Variants in MTOR observed in about 807,000 individuals in gnomAD.
MTOR encodes the protein serine/threonine-protein kinase mTOR.
A neutral mutation model predicts 319.8 loss-of-function variants in MTOR; 70 were observed. The observed-to-expected ratio is 0.22, with a 90% CI of 0.18 to 0.27. MTOR has a LOEUF of 0.27. Ranked by LOEUF, MTOR falls within the 10% of genes least tolerant of loss-of-function variation. The probability of loss-of-function intolerance (pLI) is 1.00; values close to 1 mark genes in which losing one functional copy is unlikely to be tolerated. For missense variants in MTOR, 1,890 were observed against 3,274.4 expected (o/e 0.58, Z 10.32); for synonymous variants, 1,183 against 1,211.4 (o/e 0.98, Z 0.49).
At chr1:11,132,708 GA>G in intron 38 of MTOR, 1 of 171,692 alleles carries the variant, frequency 5.8e-6, no homozygotes, top group South Asian at 1.8e-4. Flanking sequence ...AGCAGGCAAG[GA>G]TGCAAATCAG....
intron 30 of MTOR, among the ~76,000 whole-genome samples, chr1:11,153,966 G>A (rs1040561513): frequency 6.7e-6 from 1 of 149,370 alleles, no homozygotes; most frequent in African/African-American, 2.5e-5. Context: ...CTACTCAGGA[G>A]GCTGGGGCAG....
In MTOR at chr1:11,139,471, TGGACAGCCCAG is replaced by T. The variant is rs753893713; in HGVS notation, c.4999-47_4999-37del. On this transcript the variant is annotated intron_variant, in intron 35 of 57. Coordinates refer to ENST00000361445, the MANE Select transcript of MTOR (RefSeq NM_004958.4). ...AGAGAAACTGGGTTATAGACAGAAC[TGGACAGCCCAG>T]GGACACCATGGGGCCCTACCTGCCC... 10 of 1,613,930 alleles carry T rather than the reference TGGACAGCCCAG, an allele frequency of 6.2e-6. No individual in the cohort carries two copies. In the East Asian group the frequency reaches 2.2e-4, roughly 36 times the overall value.
chr1:11,257,236 T>A, intron 3 of MTOR, 71 bp from the exon 4 acceptor site: 1 of 1,351,982 alleles, frequency 7.4e-7, no homozygotes, highest in Non-Finnish European at 1.0e-6. Flanking sequence ...AGACTTCAAC[T>A]AAAAGCTGGT....
Position 11,185,421 on chromosome 1 carries a change from A to G in MTOR, c.4253+13837T>C, listed in dbSNP as rs528932184. On this transcript the variant is annotated intron_variant, in intron 28 of 57. Coordinates refer to ENST00000361445, the MANE Select transcript of MTOR (RefSeq NM_004958.4). ...TGAGACCCCCATCACTACAAAAAAA[A>G]AAAAAGAAAAGAAAGAAAGAAAGAA... 2.0e-4 allele frequency among the ~76,000 whole-genome samples: 31 copies of G among 151,718 alleles called. No homozygotes were observed. The South Asian group carries it at 6.0e-3, about 30-fold the overall frequency.
chr1:11,137,187 C>T (rs1332087231), intron 36 of MTOR, among the ~76,000 whole-genome samples: 2 of 127,612 alleles, frequency 1.6e-5, no homozygotes, highest in African/African-American at 2.8e-5. Flanking sequence ...AATTGGGAGG[C>T]GGTAGTAAAA....
chr1:11,218,556 T>C (rs1646554141), intron 19 of MTOR, among the ~76,000 whole-genome samples: 1 of 152,132 alleles, frequency 6.6e-6, no homozygotes, highest in African/African-American at 2.4e-5. Context: ...AAAACAGGCC[T>C]ACAGCGATGG....
intron 28 of MTOR, chr1:11,194,455 T>A: frequency 6.2e-7 from 1 of 1,613,732 alleles, no homozygotes; most frequent in Non-Finnish European, 8.5e-7. Context: ...CTGCTCCTCC[T>A]GACAGGACTG....
intron 23 of MTOR, among the ~76,000 whole-genome samples, chr1:11,211,295 T>C (rs1458735394): frequency 6.6e-6 from 1 of 152,248 alleles, no homozygotes; most frequent in African/African-American, 2.4e-5. Context: ...TTGCATATTT[T>C]AGTGGGCGTC....
intron 25 of MTOR, among the ~76,000 whole-genome samples, chr1:11,208,334 T>C (rs1009735489): frequency 1.3e-5 from 2 of 152,256 alleles, no homozygotes; most frequent in African/African-American, 4.8e-5. Context: ...AAGCTGTTTG[T>C]GTGAGTAAAG....
chr1:11,220,125 C>T (rs1646615551), intron 19 of MTOR, among the ~76,000 whole-genome samples: 1 of 149,946 alleles, frequency 6.7e-6, no homozygotes, highest in Non-Finnish European at 1.5e-5. Context: ...ATGAGAATTT[C>T]TCAGGAACTG....
At chr1:11,136,571 C>G (rs1643428944) in intron 36 of MTOR, among the ~76,000 whole-genome samples, 1 of 152,142 alleles carries the variant, frequency 6.6e-6, no homozygotes, top group Non-Finnish European at 1.5e-5. Flanking sequence ...GCAATGATAG[C>G]TCCCTGCAGA....
chr1:11,209,171 T>C, intron 25 of MTOR, 141 bp downstream of exon 25: 1 of 977,540 alleles, frequency 1.0e-6, no homozygotes, highest in Non-Finnish European at 1.5e-6. Flanking sequence ...AAAGACAAAA[T>C]GATCTAAGTT....
intron 11 of MTOR, among the ~76,000 whole-genome samples, chr1:11,239,777 C>T (rs1038117138): frequency 6.6e-6 from 1 of 151,842 alleles, no homozygotes; most frequent in Admixed American, 6.6e-5. Context: ...TGGTGACACG[C>T]GCCTATAGTC....
At chr1:11,248,181 G>C in intron 6 of MTOR, 87 bp from the exon 7 acceptor site, 1 of 1,375,508 alleles carries the variant, frequency 7.3e-7, no homozygotes, top group Non-Finnish European at 9.9e-7. Flanking sequence ...AATTACATTT[G>C]CCTAATCCCG....
At chr1:11,251,590 CAATT>C (rs947040824) in intron 6 of MTOR, among the ~76,000 whole-genome samples, 1 of 150,898 alleles carries the variant, frequency 6.6e-6, no homozygotes, top group Non-Finnish European at 1.5e-5. Context: ...ACTAGGTGCT[CAATT>C]AATATGTGTT....
intron 6 of MTOR, 78 bp from the exon 7 acceptor site, chr1:11,248,172 A>C (rs781026536): frequency 4.4e-5 from 63 of 1,430,682 alleles, no homozygotes; most frequent in African/African-American, 1.4e-5. Flanking sequence ...TCTACAGACA[A>C]TTACATTTGC....
chr1:11,107,747 T>C (rs1641647532), intron 57 of MTOR, among the ~76,000 whole-genome samples: 1 of 152,172 alleles, frequency 6.6e-6, no homozygotes, highest in African/African-American at 2.4e-5. Flanking sequence ...CCTTGGGCAA[T>C]TAATCAAAGC....
intron 25 of MTOR, among the ~76,000 whole-genome samples, chr1:11,205,926 AG>A (rs535763360): frequency 5.3e-4 from 80 of 152,356 alleles, no homozygotes; most frequent in African/African-American, 1.9e-3. Context: ...TATACCATCA[AG>A]GACTCAACCA....
rs558326378 is a variant in MTOR, at chr1:11,251,999, T to A, written c.840+1840A>T. On this transcript the variant is annotated intron_variant, in intron 6 of 57. Coordinates refer to ENST00000361445, the MANE Select transcript of MTOR (RefSeq NM_004958.4). ...CCATTTATAGAATGCCCACTATGTA[T>A]TAGGTGCTGTGCTGGACACTTCACA... Among the ~76,000 whole-genome samples, 5 of 152,306 alleles carry A rather than the reference T, an allele frequency of 3.3e-5. No homozygotes were observed. In the South Asian group the frequency reaches 1.0e-3, roughly 32 times the overall value.
Sources: gnomAD v4.1 joint callset for allele counts (sites outside exome capture counted in the v4.1 genomes callset) on GRCh38, gnomAD v4.1.1 for gene constraint, MANE v1.5 for transcripts, NCBI Gene and HGNC (gene_info 2026-07-23, HGNC 2026-07-21) for gene names.